The following DPP6 variants were observed in gnomAD, a reference collection of about 807,000 sequenced individuals.
DPP6 encodes the protein A-type potassium channel modulatory protein DPP6.
DPP6 carries 69 observed loss-of-function variants against 122.6 expected under a neutral mutation model. The ratio of observed to expected loss-of-function variants is 0.56; its 90% CI spans 0.46 to 0.69. DPP6 has a LOEUF of 0.69. Among genes scored for constraint, DPP6 ranks in the 30% least tolerant of loss-of-function variants. The pLI is 0.00. For synonymous variants in DPP6, 418 were observed against 433.1 expected, an observed-to-expected ratio of 0.97 and a Z score of 0.43; for missense variants, 928 against 1,116.9, an observed-to-expected ratio of 0.83 and a Z score of 2.41.
At chr7:154,528,347 C>T (rs925946308) in intron 3 of DPP6, among the ~76,000 whole-genome samples, 8 of 152,100 alleles carry the variant, frequency 5.3e-5, no homozygotes, top group Non-Finnish European at 1.0e-4. Flanking sequence ...GATAAAATAA[C>T]GATAATTGAA....
At chr7:154,101,409 T>A (rs113444711) in intron 1 of DPP6, among the ~76,000 whole-genome samples, 2 of 150,228 alleles carry the variant, frequency 1.3e-5, no homozygotes, top group South Asian at 4.3e-4. Flanking sequence ...CTCCCTTTCT[T>A]CTTTCTTTCC....
intron 4 of DPP6, among the ~76,000 whole-genome samples, chr7:154,548,010 A>G (rs1829332743): frequency 6.6e-6 from 1 of 150,568 alleles, no homozygotes; most frequent in Admixed American, 6.6e-5. Flanking sequence ...GGAGTTCAAG[A>G]CCAGCCTGGC....
chr7:153,947,107 C>G (rs148683315), intron 1 of DPP6, among the ~76,000 whole-genome samples: 2 of 152,322 alleles, frequency 1.3e-5, no homozygotes, highest in East Asian at 3.9e-4. Context: ...CTTGCACTCC[C>G]TCTTAGCCAA....
chr7:154,194,364 T>C (rs1182397117), intron 1 of DPP6, among the ~76,000 whole-genome samples: 1 of 152,234 alleles, frequency 6.6e-6, no homozygotes, highest in Non-Finnish European at 1.5e-5. Context: ...TTTTTTTCTC[T>C]TTTTGAACAG....
chr7:154,795,539 G>C (rs1185325442), intron 11 of DPP6, among the ~76,000 whole-genome samples: 1 of 152,130 alleles, frequency 6.6e-6, no homozygotes, highest in African/African-American at 2.4e-5. Context: ...CCGCCCCCTG[G>C]TACACGTGCC....
chr7:154,305,562 T>G, intron 1 of DPP6: 15 of 1,594,370 alleles, frequency 9.4e-6, no homozygotes, highest in Non-Finnish European at 1.3e-5. Context: ...GTAATGCTGC[T>G]TTTGGGGGTC....
At chr7:154,493,794 G>A (rs554416386) in intron 3 of DPP6, among the ~76,000 whole-genome samples, 12 of 152,298 alleles carry the variant, frequency 7.9e-5, no homozygotes, top group East Asian at 3.9e-4. Context: ...CTGTGATTGC[G>A]AAACCTCTGT....
chr7:153,959,171 T>C (rs1460210415), intron 1 of DPP6, among the ~76,000 whole-genome samples: 4 of 152,014 alleles, frequency 2.6e-5, no homozygotes, highest in Non-Finnish European at 4.4e-5. Flanking sequence ...CAGGACTTTT[T>C]TTTTTCTGTT....
chr7:154,800,313 C>G (rs572206874), intron 12 of DPP6, among the ~76,000 whole-genome samples: 1 of 152,346 alleles, frequency 6.6e-6, no homozygotes, highest in East Asian at 1.9e-4. Context: ...TGGGTTCACT[C>G]ACTGTAGGGA....
intron 3 of DPP6, among the ~76,000 whole-genome samples, chr7:154,501,109 A>G (rs1201212960): frequency 6.6e-6 from 1 of 152,090 alleles, no homozygotes; most frequent in Non-Finnish European, 1.5e-5. Flanking sequence ...AACTTGAGAG[A>G]GATGATTTAG....
intron 16 of DPP6, among the ~76,000 whole-genome samples, chr7:154,812,043 C>T (rs1227968642): frequency 6.6e-6 from 1 of 152,190 alleles, no homozygotes; most frequent in African/African-American, 2.4e-5. Context: ...TTCATCCCGT[C>T]ACACAGGGAG....
intron 5 of DPP6, among the ~76,000 whole-genome samples, chr7:154,592,728 A>G (rs1306544704): frequency 6.6e-6 from 1 of 152,174 alleles, no homozygotes; most frequent in Non-Finnish European, 1.5e-5. Context: ...GGAGCAGGCC[A>G]GCGTGGCTAC....
chr7:154,402,515 G>C (rs1048431480), intron 1 of DPP6, among the ~76,000 whole-genome samples: 1 of 148,880 alleles, frequency 6.7e-6, no homozygotes, highest in African/African-American at 2.5e-5. Context: ...ACCAAACACC[G>C]CATATTCTCA....
At chr7:154,124,584 AAT>A in intron 1 of DPP6, among the ~76,000 whole-genome samples, 1 of 152,248 alleles carries the variant, frequency 6.6e-6, no homozygotes, top group Non-Finnish European at 1.5e-5. Context: ...GAAAGCAGTA[AAT>A]GGTTTCAAAA....
chr7:153,888,343 G>C (rs1344918049), intron 1 of DPP6, among the ~76,000 whole-genome samples: 5 of 152,220 alleles, frequency 3.3e-5, no homozygotes, highest in African/African-American at 1.2e-4. Flanking sequence ...CGTCCCCCAG[G>C]AGGGCCGCGT....
chr7:153,991,544 G>A (rs561146928), intron 1 of DPP6, among the ~76,000 whole-genome samples: 1 of 152,314 alleles, frequency 6.6e-6, no homozygotes, highest in Non-Finnish European at 1.5e-5. Context: ...GGGATATTTA[G>A]AGTCTTCTTT....
intron 1 of DPP6, among the ~76,000 whole-genome samples, chr7:154,210,054 A>C (rs1799658903): frequency 6.6e-6 from 1 of 152,158 alleles, no homozygotes; most frequent in South Asian, 2.1e-4. Flanking sequence ...GGAAAACCTC[A>C]TTACTCTCAA....
At chr7:154,485,979 G>C (rs1345389168) in intron 3 of DPP6, among the ~76,000 whole-genome samples, 1 of 148,740 alleles carries the variant, frequency 6.7e-6, no homozygotes, top group Non-Finnish European at 1.5e-5. Context: ...AGAGGATGTG[G>C]AATTTTTACC....
rs1799741037 is a variant in DPP6 at position 154,821,276 on chromosome 7, CT to C, written c.1666+14170del. On this transcript the variant is annotated intron_variant, in intron 16 of 25. Transcript: ENST00000377770. This position sits in a 1 kb window ranked among gnomAD's most constrained non-coding sequence, Gnocchi z 4.2. The stretch of plus-strand genomic sequence containing the variant: ...TTTAATCTTTTTCCTGATGTCTTTT[CT>C]TTTTTCTTTTTACATTGTTCTGATA... 6.6e-6 allele frequency among the ~76,000 whole-genome samples: 1 copy of C among 152,040 alleles called. No individual in the cohort carries two copies. The highest frequency in any genetic ancestry group is 6.6e-5 in the Admixed American group (1 of 15,262).
Sources: allele counts gnomAD v4.1 joint callset (sites outside exome capture counted in the v4.1 genomes callset), GRCh38; gene constraint gnomAD v4.1.1; non-coding constraint Gnocchi (gnomAD v3.1); transcripts MANE v1.5; gene names NCBI Gene and HGNC (gene_info 2026-07-23, HGNC 2026-07-21).